The following ABCC4 variants were observed in gnomAD, a reference collection of about 807,000 sequenced individuals.
ABCC4 encodes ATP binding cassette subfamily C member 4 (PEL blood group).
Under a neutral mutation model 168.5 loss-of-function variants are expected in ABCC4, and 102 were observed. The observed-to-expected ratio is 0.61, with a 90% confidence interval of 0.52 to 0.71. The LOEUF is 0.71. Ranked by LOEUF, ABCC4 falls within the 30% of genes least tolerant of loss-of-function variation. The pLI is 0.00. For synonymous variants in ABCC4, 617 were observed against 590.7 expected (o/e 1.04, Z -0.65); for missense variants, 1,402 against 1,605.8 (o/e 0.87, Z 2.17).
chr13:95,295,706 T>C (rs922180193), intron 1 of ABCC4, among the ~76,000 whole-genome samples: 9 of 146,910 alleles, frequency 6.1e-5, no homozygotes, highest in Admixed American at 2.0e-4. Flanking sequence ...GGCTCATGCT[T>C]GTAATCCCAG....
chr13:95,134,974 G>A (rs953106536), intron 19 of ABCC4, among the ~76,000 whole-genome samples: 17 of 152,276 alleles, frequency 1.1e-4, no homozygotes, highest in Admixed American at 2.6e-4. Context: ...AGAGTCTCCT[G>A]TCCACAGAGG....
intron 19 of ABCC4, among the ~76,000 whole-genome samples, chr13:95,160,045 T>C (rs1427785188): frequency 6.6e-6 from 1 of 150,532 alleles, no homozygotes; most frequent in East Asian, 1.9e-4. Context: ...ATAGTATCCC[T>C]ATTTTACAGA....
At chr13:95,223,394 A>G (rs1053164431) in intron 4 of ABCC4, among the ~76,000 whole-genome samples, 1 of 116,946 alleles carries the variant, frequency 8.6e-6, no homozygotes, top group African/African-American at 3.1e-5. Flanking sequence ...GGATTTTAAG[A>G]TTTACAGAAA....
intron 26 of ABCC4, chr13:95,054,021 C>CTTTTTTTTTTTTTTTTTTTTTTTT (rs55980425): frequency 1.4e-5 from 1 of 71,628 alleles, no homozygotes; most frequent in African/African-American, 7.3e-5. Flanking sequence ...ATGGGACATC[C>CTTTTTTTTTTTTTTTTTTTTTTTT]TTTTTTTTTT....
intron 19 of ABCC4, among the ~76,000 whole-genome samples, chr13:95,120,917 A>G (rs2035548312): frequency 6.6e-6 from 1 of 152,226 alleles, no homozygotes; most frequent in South Asian, 2.1e-4. Flanking sequence ...GACAGCATCT[A>G]TGACACTGTG....
chr13:95,251,128 G>GT (rs2040247417), intron 1 of ABCC4, among the ~76,000 whole-genome samples: 2 of 152,218 alleles, frequency 1.3e-5, no homozygotes, highest in South Asian at 4.2e-4. Flanking sequence ...GAAAACACAG[G>GT]TCCCAGCTCC....
At chr13:95,223,493 A>G (rs964619359) in intron 4 of ABCC4, among the ~76,000 whole-genome samples, 8 of 152,218 alleles carry the variant, frequency 5.3e-5, no homozygotes, top group Non-Finnish European at 8.8e-5. Flanking sequence ...AAAAAAGTGT[A>G]AAGTTTTTTG....
At chr13:95,188,633 T>C (rs2038148608) in intron 9 of ABCC4, 91 bp from the exon 10 acceptor site, 2 of 996,576 alleles carry the variant, frequency 2.0e-6, no homozygotes, top group South Asian at 1.6e-5. Flanking sequence ...CAGTCATTGA[T>C]ACATGAACAT....
rs187485786 is a variant in ABCC4, at chr13:95,126,706, T to C, written c.2456-10705A>G. Among the ~76,000 whole-genome samples, 708 of 128,502 alleles carry C rather than the reference T, an allele frequency of 5.5e-3. 10 individuals are homozygous for C. Among genetic ancestry groups the C allele is most frequent in the African/African-American group, 0.02 (663 of 33,538 alleles). The allele number at this position is 128,502 out of a possible 152,430, so 84.3% of individuals were successfully genotyped here. ...CTAGGTTGTGTTCAATAAAAATGCA[T>C]GAACTTTTTTTGGAATATATATATA... is the stretch of plus-strand genomic sequence containing the variant. On this transcript the variant is annotated intron_variant, in intron 19 of 30. Coordinates refer to ENST00000645237, the MANE Select transcript of ABCC4 (RefSeq NM_005845.5).
At chr13:95,096,067 G>C in intron 20 of ABCC4, 1 of 450,966 alleles carries the variant, frequency 2.2e-6, no homozygotes. Flanking sequence ...ATTTAGCCAG[G>C]TACAGTGGCT....
At chr13:95,137,956 A>G (rs907149803) in intron 19 of ABCC4, among the ~76,000 whole-genome samples, 2 of 152,230 alleles carry the variant, frequency 1.3e-5, no homozygotes, top group African/African-American at 4.8e-5. Flanking sequence ...CTGATTAAGC[A>G]GCAAAGTTTT....
chr13:95,131,576 C>G (rs570561277), intron 19 of ABCC4, among the ~76,000 whole-genome samples: 1 of 152,072 alleles, frequency 6.6e-6, no homozygotes, highest in Non-Finnish European at 1.5e-5. Flanking sequence ...CTACAGTGAG[C>G]CGAGATCGCA....
At position 95,178,069 on chromosome 13, in the gene ABCC4, C is replaced by T; in HGVS notation, c.1568G>A (p.Gly523Asp). The change falls in exon 12 of 31, where the codon GGT (glycine) becomes GAT (aspartate). Residue 523 changes from glycine (G) to aspartate (D), a missense_variant. Physicochemically the swap from Gly to Asp is moderately conservative, Grantham distance 94. This residue lies in a region of ABCC4 where 1,007 missense variants were observed against 1,127.3 expected (regional missense o/e 0.89). Coordinates refer to ENST00000645237, the MANE Select transcript of ABCC4 (RefSeq NM_005845.5). Reference sequence around the variant, plus strand: ...CCGATCTCCTATCACAGTCAGATCACCATCCTCCAACAGCTGTAAATCCTG... The same window carrying T: ...CCGATCTCCTATCACAGTCAGATCATCATCCTCCAACAGCTGTAAATCCTG... ...LKKDLQLLEDGDLTVIGDRGT... is the reference protein window; with the variant it reads ...LKKDLQLLEDDDLTVIGDRGT... 6.2e-7 allele frequency: 1 copy of T among 1,614,152 alleles called. No individual in the cohort carries two copies. The highest frequency in any genetic ancestry group is 1.1e-5 in the South Asian group (1 of 91,088).
intron 20 of ABCC4, among the ~76,000 whole-genome samples, chr13:95,102,358 C>T (rs2034839367): frequency 6.6e-6 from 1 of 152,124 alleles, no homozygotes; most frequent in East Asian, 1.9e-4. Context: ...AATGCTCAGG[C>T]TGGTCTCAAA....
At chr13:95,082,620 C>T (rs534468069) in intron 21 of ABCC4, among the ~76,000 whole-genome samples, 1 of 152,180 alleles carries the variant, frequency 6.6e-6, no homozygotes, top group Non-Finnish European at 1.5e-5. Flanking sequence ...AACTTCCTAG[C>T]CATTTTGTGA....
chr13:95,289,439 T>C (rs1386575212), intron 1 of ABCC4, among the ~76,000 whole-genome samples: 2 of 152,184 alleles, frequency 1.3e-5, no homozygotes, highest in East Asian at 1.9e-4. Flanking sequence ...GTGACCCTCA[T>C]TATGCTACCT....
intron 20 of ABCC4, among the ~76,000 whole-genome samples, chr13:95,092,562 G>C (rs1482045699): frequency 6.6e-6 from 1 of 151,956 alleles, no homozygotes; most frequent in African/African-American, 2.4e-5. Context: ...AAAACCTCTG[G>C]GATACAGCAA....
intron 19 of ABCC4, among the ~76,000 whole-genome samples, chr13:95,134,250 A>T (rs976117245): frequency 7.9e-5 from 12 of 152,236 alleles, no homozygotes; most frequent in African/African-American, 2.9e-4. Flanking sequence ...AAGAGAGGAT[A>T]GAGGATCTAA....
chr13:95,239,164 C>A (rs370586007), intron 3 of ABCC4, among the ~76,000 whole-genome samples: 1 of 147,992 alleles, frequency 6.8e-6, no homozygotes. Context: ...ATGTAAACTG[C>A]AAAAAAAAAA....
Sources: gnomAD v4.1 joint callset for allele counts (sites outside exome capture counted in the v4.1 genomes callset) on GRCh38, gnomAD v4.1.1 for gene constraint, gnomAD v4.1.1 regional missense constraint, MANE v1.5 for transcripts, NCBI Gene and HGNC (gene_info 2026-07-23, HGNC 2026-07-21) for gene names.